Variants in LTBP2 observed in about 807,000 individuals in gnomAD.
The protein encoded by LTBP2 is latent-transforming growth factor beta-binding protein 2.
In LTBP2, 103 loss-of-function variants were observed where a neutral mutation model predicts 210.6. The ratio of observed to expected loss-of-function variants is 0.49; its 90% CI spans 0.42 to 0.58. The LOEUF (loss-of-function observed/expected upper bound fraction) is 0.58, where lower values mean the gene tolerates loss of function less well. Among genes scored for constraint, LTBP2 ranks in the 20% least tolerant of loss-of-function variants. The pLI is 0.00. For missense variants in LTBP2, 2,313 were observed against 2,494.5 expected (o/e 0.93, Z 1.55); for synonymous variants, 1,007 against 1,015.0 (o/e 0.99, Z 0.15).
At chr14:74,555,881 G>A (rs751375384) in intron 3 of LTBP2, among the ~76,000 whole-genome samples, 188 bp from the exon 4 acceptor site, 10 of 152,212 alleles carry the variant, frequency 6.6e-5, no homozygotes, top group Non-Finnish European at 1.2e-4. Flanking sequence ...AAGGCCTGCC[G>A]GCTAGTTTTG....
chr14:74,569,271 T>C (rs1439668026), intron 3 of LTBP2, among the ~76,000 whole-genome samples: 2 of 152,104 alleles, frequency 1.3e-5, no homozygotes, highest in Non-Finnish European at 2.9e-5. Flanking sequence ...ATCCCTCTTT[T>C]TAGCATCCTT....
chr14:74,570,569 C>T (rs2087961898), intron 3 of LTBP2, among the ~76,000 whole-genome samples: 2 of 152,240 alleles, frequency 1.3e-5, no homozygotes, highest in African/African-American at 4.8e-5. Context: ...AGCTTCCATT[C>T]AGCAATCTAG....
chr14:74,568,379 G>A lies in LTBP2; in HGVS notation c.831-12686C>T, dbSNP rs371514822. Reference sequence around the variant, plus strand: ...CTGTCCAGCCAGCATGTTCCAGCGCGGCCGTGGGGCTGGATCACTGGGGAA... The same window carrying A: ...CTGTCCAGCCAGCATGTTCCAGCGCAGCCGTGGGGCTGGATCACTGGGGAA... On this transcript the variant is annotated intron_variant, in intron 3 of 35. Transcript: ENST00000261978. Among the ~76,000 whole-genome samples the A allele has an allele frequency of 8.5e-5, 13 of 152,242 alleles. 1 individual carries two copies. The South Asian group carries it at 2.5e-3, about 29-fold the overall frequency.
intron 2 of LTBP2, among the ~76,000 whole-genome samples, chr14:74,603,216 C>T (rs1434068466): frequency 6.6e-6 from 1 of 152,188 alleles, no homozygotes; most frequent in Non-Finnish European, 1.5e-5. Flanking sequence ...CAAACTCTGC[C>T]TCCCAGGTTC....
intron 2 of LTBP2, among the ~76,000 whole-genome samples, chr14:74,593,888 A>AAATCC (rs1228134494): frequency 6.6e-6 from 1 of 152,164 alleles, no homozygotes; most frequent in Non-Finnish European, 1.5e-5. Flanking sequence ...CTCAGGATAA[A>AAATCC]AATCCAATCT....
At position 74,498,387 on chromosome 14, in the gene LTBP2, C is replaced by A. The variant is rs1456467689; in HGVS notation, c.*2497G>T. 5.1e-6 allele frequency: 1 copy of A among 197,272 alleles called. No homozygotes were observed. The highest frequency in any genetic ancestry group is 2.3e-5 in the African/African-American group (1 of 43,354). 12.2% of individuals were successfully genotyped at this position (197,272 alleles called of 1,614,324 possible). A position where few individuals can be genotyped will look rare whatever the true frequency, so the allele number is the denominator to read the frequency against. Reference sequence around the variant, plus strand: ...AATGTGAAATATGCACAAGAATATTCATTACAGCATTATTTATAGCAAAAG... The same window carrying A: ...AATGTGAAATATGCACAAGAATATTAATTACAGCATTATTTATAGCAAAAG... On this transcript the variant is annotated 3_prime_UTR_variant, in exon 36 of 36. Coordinates refer to ENST00000261978, the MANE Select transcript of LTBP2 (RefSeq NM_000428.3).
At chr14:74,604,340 G>A (rs1475627202) in intron 1 of LTBP2, among the ~76,000 whole-genome samples, 3 of 152,170 alleles carry the variant, frequency 2.0e-5, no homozygotes, top group South Asian at 2.1e-4. Context: ...AGTCTGGTGC[G>A]TGGGAAGGCT....
At chr14:74,512,132 C>A (rs60647061) in intron 18 of LTBP2, among the ~76,000 whole-genome samples, 2,069 of 152,216 alleles carry the variant, frequency 0.014, 42 homozygotes, top group African/African-American at 0.048. Context: ...TCTTCCCCGA[C>A]ATAACCTGGC....
chr14:74,606,779 G>A (rs1013574513), intron 1 of LTBP2, among the ~76,000 whole-genome samples: 2 of 152,034 alleles, frequency 1.3e-5, no homozygotes, highest in East Asian at 3.9e-4. Flanking sequence ...GGAGGCGGAG[G>A]CTGCAGTGAG....
Position 74,612,060 on chromosome 14 carries a change from T to A in LTBP2, c.-116A>T. ...CCGCCCGGCGGCCAGCTTCTCTGAGTCTAGGGGGCCCTGAAGCGGCCGACT... is the reference window on the plus strand; with the variant it reads ...CCGCCCGGCGGCCAGCTTCTCTGAGACTAGGGGGCCCTGAAGCGGCCGACT... On this transcript the variant is annotated 5_prime_UTR_variant, in exon 1 of 36. Coordinates refer to ENST00000261978, the MANE Select transcript of LTBP2 (RefSeq NM_000428.3). 8.3e-7 allele frequency: 1 copy of A among 1,201,798 alleles called. No homozygotes were observed. The highest frequency in any genetic ancestry group is 1.1e-6 in the Non-Finnish European group (1 of 910,612). The allele number at this position is 1,201,798 out of a possible 1,614,324, so 74.4% of individuals were successfully genotyped here.
At chr14:74,532,122 C>T (rs1050862618) in intron 10 of LTBP2, among the ~76,000 whole-genome samples, 1 of 151,858 alleles carries the variant, frequency 6.6e-6, no homozygotes, top group South Asian at 2.1e-4. Context: ...CGAGGCTACA[C>T]ATGGAACAGA....
At chr14:74,582,991 G>A (rs977507515) in intron 3 of LTBP2, among the ~76,000 whole-genome samples, 1 of 152,196 alleles carries the variant, frequency 6.6e-6, no homozygotes, top group Non-Finnish European at 1.5e-5. Flanking sequence ...CCAGCCTTGG[G>A]GAAGAAGCCA....
At chr14:74,563,298 G>A (rs1035971918) in intron 3 of LTBP2, among the ~76,000 whole-genome samples, 3 of 152,038 alleles carry the variant, frequency 2.0e-5, no homozygotes, top group Admixed American at 2.0e-4. Context: ...CCACCTCTAG[G>A]GGACCCGACC....
At chr14:74,595,034 T>C (rs976649607) in intron 2 of LTBP2, among the ~76,000 whole-genome samples, 1 of 152,172 alleles carries the variant, frequency 6.6e-6, no homozygotes, top group Admixed American at 6.5e-5. Flanking sequence ...AGCTCCAAAA[T>C]AGCAGTTGTG....
At chr14:74,570,586 A>G (rs2139771696) in intron 3 of LTBP2, among the ~76,000 whole-genome samples, 1 of 152,264 alleles carries the variant, frequency 6.6e-6, no homozygotes, top group East Asian at 1.9e-4. Context: ...CTAGCAGCCC[A>G]AATCTGTCAA....
chr14:74,501,694 CTGTGGG>C, intron 34 of LTBP2, 104 bp from the exon 35 acceptor site: 1 of 1,434,296 alleles, frequency 7.0e-7, no homozygotes, highest in Non-Finnish European at 9.7e-7. Context: ...CCCTGTGGAA[CTGTGGG>C]GGTGGGGGCA....
intron 2 of LTBP2, among the ~76,000 whole-genome samples, chr14:74,590,610 A>C (rs2088268926): frequency 6.6e-6 from 1 of 152,206 alleles, no homozygotes; most frequent in African/African-American, 2.4e-5. Context: ...AAAGAAAAGA[A>C]AAAGAAAATG....
chr14:74,578,261 G>A (rs2088087924), intron 3 of LTBP2, among the ~76,000 whole-genome samples: 1 of 152,186 alleles, frequency 6.6e-6, no homozygotes, highest in African/African-American at 2.4e-5. Flanking sequence ...ACATGGAGTA[G>A]GCAGGTAGGC....
At chr14:74,532,967 G>C (rs2087371737) in intron 9 of LTBP2, among the ~76,000 whole-genome samples, 1 of 152,182 alleles carries the variant, frequency 6.6e-6, no homozygotes, top group South Asian at 2.1e-4. Flanking sequence ...AGCCTCCCGA[G>C]TAGCTGGAAC....
Sources: allele counts gnomAD v4.1 joint callset (sites outside exome capture counted in the v4.1 genomes callset), GRCh38; gene constraint gnomAD v4.1.1; transcripts MANE v1.5; gene names NCBI Gene and HGNC (gene_info 2026-07-23, HGNC 2026-07-21).